ANAPC1: variants seen among roughly 807,000 people sequenced by gnomAD.
ANAPC1 encodes the protein anaphase promoting complex subunit 1, also known as anaphase-promoting complex subunit 1.
In ANAPC1, 36 loss-of-function variants were observed where a neutral mutation model predicts 208.0. That is an observed-to-expected ratio of 0.17 (90% CI 0.13 to 0.23). The LOEUF (loss-of-function observed/expected upper bound fraction) is 0.23. Among genes scored for constraint, ANAPC1 ranks in the 10% least tolerant of loss-of-function variants. The probability of loss-of-function intolerance (pLI) is 1.00; values close to 1 mark genes in which losing one functional copy is unlikely to be tolerated. For missense variants in ANAPC1, 942 were observed against 2,011.6 expected (o/e 0.47, Z 10.17); for synonymous variants, 378 against 695.2 (o/e 0.54, Z 7.18).
intron 1 of ANAPC1, among the ~76,000 whole-genome samples, chr2:111,882,499 G>A (rs1379643560): frequency 4.6e-5 from 7 of 151,194 alleles, no homozygotes; most frequent in Admixed American, 4.6e-4. Flanking sequence ...GGAGGCTGAG[G>A]CGCGAGGATC....
chr2:111,852,491 G>A (rs563248575), intron 13 of ANAPC1, among the ~76,000 whole-genome samples: 1 of 152,302 alleles, frequency 6.6e-6, no homozygotes, highest in Non-Finnish European at 1.5e-5. Flanking sequence ...AAAAAGTCAT[G>A]GCCATCCCTT....
At chr2:111,774,190 G>A (rs537968792) in intron 46 of ANAPC1, among the ~76,000 whole-genome samples, 1 of 151,742 alleles carries the variant, frequency 6.6e-6, no homozygotes, top group African/African-American at 2.4e-5. Context: ...ACTTCCAAAA[G>A]GGTCAACAAA....
chr2:111,854,214 G>A (rs1457397573), intron 13 of ANAPC1, among the ~76,000 whole-genome samples: 2 of 152,208 alleles, frequency 1.3e-5, no homozygotes, highest in African/African-American at 4.8e-5. Context: ...ATGACCAGGT[G>A]CACTGTCAAT....
At chr2:111,769,591 C>T (rs1332761246) in intron 47 of ANAPC1, among the ~76,000 whole-genome samples, 185 bp from the exon 48 acceptor site, 2 of 151,366 alleles carry the variant, frequency 1.3e-5, no homozygotes, top group African/African-American at 4.9e-5. Context: ...AATTGAGTAT[C>T]CCTTTTCCAA....
At chr2:111,814,001 T>C (rs1344791426) in intron 28 of ANAPC1, among the ~76,000 whole-genome samples, 5 of 150,620 alleles carry the variant, frequency 3.3e-5, no homozygotes, top group Non-Finnish European at 1.5e-5. Flanking sequence ...TCTTTCAAAC[T>C]CAAGTTAGTC....
At chr2:111,879,098 A>G (rs1286250011) in intron 2 of ANAPC1, 127 bp from the exon 3 acceptor site, 4 of 844,518 alleles carry the variant, frequency 4.7e-6, no homozygotes, top group East Asian at 5.3e-5. Context: ...AGTTTGGTAC[A>G]CTGATTAACG....
At position 111,847,864 on chromosome 2, in the gene ANAPC1, A is replaced by C. The variant is rs1681178239; in HGVS notation, c.1652T>G (p.Val551Gly). 1 of 1,570,754 alleles carries C rather than the reference A, an allele frequency of 6.4e-7. No individual in the cohort carries two copies. Among genetic ancestry groups the C allele is most frequent in the Admixed American group, 2.0e-5 (1 of 49,766 alleles). ...TTCTGGAACTGGGGACAACAGAACA[A>C]CCTGTAAAAAGTTGTAAATACGATA... ...LSKLLGSLDE[V>G]VLLSPVPELR... The change falls in exon 15 of 48, where the codon GTT becomes GGT. Residue 551 changes from valine to glycine, a missense_variant and splice_region_variant. By Grantham distance (109) the Val-to-Gly change is moderately radical. Coordinates refer to ENST00000341068, the MANE Select transcript of ANAPC1 (RefSeq NM_022662.4).
chr2:111,863,083 G>C (rs1682167792), intron 9 of ANAPC1, among the ~76,000 whole-genome samples: 4 of 151,920 alleles, frequency 2.6e-5, no homozygotes, highest in Admixed American at 2.6e-4. Flanking sequence ...ACAGTATTTT[G>C]GGAATTAATA....
At chr2:111,854,570 C>A (rs903090479) in intron 13 of ANAPC1, among the ~76,000 whole-genome samples, 1 of 152,208 alleles carries the variant, frequency 6.6e-6, no homozygotes, top group African/African-American at 2.4e-5. Context: ...CACTGAAAAT[C>A]TGTTTAGTGT....
At chr2:111,843,177 AAT>A (rs1189890574) in intron 17 of ANAPC1, among the ~76,000 whole-genome samples, 1 of 152,228 alleles carries the variant, frequency 6.6e-6, no homozygotes, top group Non-Finnish European at 1.5e-5. Context: ...TGAAATGAGA[AAT>A]AGTCATATAT....
At chr2:111,806,787 C>CT (rs1316968028) in intron 29 of ANAPC1, among the ~76,000 whole-genome samples, 3 of 152,182 alleles carry the variant, frequency 2.0e-5, no homozygotes, top group Non-Finnish European at 2.9e-5. Flanking sequence ...CCCTATAACT[C>CT]TAACACTACC....
chr2:111,873,896 A>C (rs374673898), intron 3 of ANAPC1, among the ~76,000 whole-genome samples: 3 of 152,184 alleles, frequency 2.0e-5, no homozygotes, highest in East Asian at 3.9e-4. Context: ...GAAAAGATCC[A>C]TAGGAATTAA....
rs535356205 is a variant in ANAPC1 at position 111,850,927 on chromosome 2, C to T, written c.1516-17G>A. On this transcript the variant is annotated splice_polypyrimidine_tract_variant and intron_variant, in intron 13 of 47. Transcript: ENST00000341068. ...CTTTCCCACCTTTAAGCAATAAAAA[C>T]ATGTGGAAAAAAAAATATTGCCTTT... is the stretch of plus-strand genomic sequence containing the variant. The T allele has an allele frequency of 1.3e-6, 2 of 1,582,306 alleles. No individual in the cohort carries two copies. The highest frequency in any genetic ancestry group is 1.7e-6 in the Non-Finnish European group (2 of 1,171,908).
intron 16 of ANAPC1, among the ~76,000 whole-genome samples, chr2:111,844,914 T>G (rs1680973602): frequency 6.6e-6 from 1 of 152,220 alleles, no homozygotes; most frequent in Admixed American, 6.5e-5. Flanking sequence ...GGTGCAATTA[T>G]AGCTCACTGT....
At chr2:111,777,158 T>C in intron 45 of ANAPC1, 101 bp from the exon 46 acceptor site, 4 of 614,520 alleles carry the variant, frequency 6.5e-6, no homozygotes, top group African/African-American at 1.9e-5. Flanking sequence ...CTCCGAATTA[T>C]AAAGGGTCGG....
At position 111,826,554 on chromosome 2, in the gene ANAPC1, T is replaced by C. The variant is rs561694922; in HGVS notation, c.2626-699A>G. ...CTAGTTTCTTCCTTTTCATGCTAAGTAGTATTCCATTATACAGACATACCA... is the reference window on the plus strand; with the variant it reads ...CTAGTTTCTTCCTTTTCATGCTAAGCAGTATTCCATTATACAGACATACCA... On this transcript the variant is annotated intron_variant, in intron 21 of 47. Coordinates refer to ENST00000341068, the MANE Select transcript of ANAPC1 (RefSeq NM_022662.4). 2.0e-5 allele frequency among the ~76,000 whole-genome samples: 3 copies of C among 152,340 alleles called. No homozygotes were observed. The East Asian group carries it at 5.8e-4, about 29-fold the overall frequency.
chr2:111,846,338 T>TA (rs1341424247), intron 16 of ANAPC1, among the ~76,000 whole-genome samples: 1 of 151,678 alleles, frequency 6.6e-6, no homozygotes, highest in Non-Finnish European at 1.5e-5. Context: ...ACAATAATAT[T>TA]AAGTTTTATT....
chr2:111,788,263 C>T lies in ANAPC1; in HGVS notation c.4770G>A (p.Pro1590=), dbSNP rs367637586. Reference sequence around the variant, plus strand: ...TGTCAGTGCTGTGAGCTGGGAAGTGCGGATAAAGGGCACAGAGAAGAGCGG... The same window carrying T: ...TGTCAGTGCTGTGAGCTGGGAAGTGTGGATAAAGGGCACAGAGAAGAGCGG... ...SIAALLCALY[P]HFPAHSTDNR... The change falls in exon 39 of 48, where the codon CCG becomes CCA. Residue 1590 remains proline, a synonymous_variant. Transcript: ENST00000341068. 9.4e-5 allele frequency: 151 copies of T among 1,613,248 alleles called. No homozygotes were observed. Among genetic ancestry groups the T allele is most frequent in the East Asian group, 4.0e-4 (18 of 44,842 alleles).
At chr2:111,851,528 C>T (rs1411607377) in intron 13 of ANAPC1, among the ~76,000 whole-genome samples, 2 of 152,062 alleles carry the variant, frequency 1.3e-5, no homozygotes, top group Admixed American at 6.6e-5. Flanking sequence ...GAACAGCGGC[C>T]GGGCGCGGTG....
Sources: gnomAD v4.1 joint callset for allele counts (sites outside exome capture counted in the v4.1 genomes callset) on GRCh38, gnomAD v4.1.1 for gene constraint, MANE v1.5 for transcripts, NCBI Gene and HGNC (gene_info 2026-07-23, HGNC 2026-07-21) for gene names.